POU2AF1: variants seen among roughly 807,000 people sequenced by gnomAD.
POU2AF1 encodes POU domain class 2-associating factor 1.
Under a neutral mutation model 26.3 loss-of-function variants are expected in POU2AF1, and 12 were observed. The observed-to-expected ratio is 0.46, with a 90% CI of 0.29 to 0.74. The LOEUF (loss-of-function observed/expected upper bound fraction) is 0.74. Ranked by LOEUF, POU2AF1 falls within the 30% of genes least tolerant of loss-of-function variation. The pLI, the probability that POU2AF1 is intolerant of heterozygous loss-of-function variation, is 0.09. For missense variants in POU2AF1, 297 were observed against 334.5 expected (o/e 0.89, Z 0.87); for synonymous variants, 175 against 148.0 (o/e 1.18, Z -1.32).
intron 1 of POU2AF1, among the ~76,000 whole-genome samples, chr11:111,369,542 A>G (rs1299787507): frequency 6.6e-6 from 1 of 152,202 alleles, no homozygotes; most frequent in Admixed American, 6.5e-5. Context: ...TGGAATAGAA[A>G]TGTGGCAATG....
chr11:111,358,380 TCACA>T (rs1289541771), intron 2 of POU2AF1, among the ~76,000 whole-genome samples: 15 of 16,110 alleles, frequency 9.3e-4, no homozygotes, highest in Admixed American at 2.0e-3. Context: ...ACACACTCTC[TCACA>T]CACACTCCCT....
intron 1 of POU2AF1, among the ~76,000 whole-genome samples, chr11:111,365,871 AAAG>A (rs1450325762): frequency 2.7e-5 from 4 of 150,424 alleles, no homozygotes. Flanking sequence ...AAAAAAAAAA[AAAG>A]AATTGTTTAC....
chr11:111,362,433 C>T (rs988512635), intron 1 of POU2AF1, among the ~76,000 whole-genome samples: 1 of 152,122 alleles, frequency 6.6e-6, no homozygotes, highest in African/African-American at 2.4e-5. Flanking sequence ...TATTTTTGTA[C>T]CCATAAGTCA....
intron 2 of POU2AF1, among the ~76,000 whole-genome samples, chr11:111,358,137 G>T (rs1008797079): frequency 6.6e-6 from 1 of 152,054 alleles, no homozygotes; most frequent in Non-Finnish European, 1.5e-5. Context: ...CAGTAGCTGT[G>T]TTCGGTGGGC....
intron 2 of POU2AF1, among the ~76,000 whole-genome samples, chr11:111,358,336 T>TCTCACA (rs1565360486): frequency 0.049 from 5,669 of 115,202 alleles, 152 homozygotes; most frequent in African/African-American, 0.087. Context: ...TCTCACACAC[T>TCTCACA]CTCACACTCT....
At chr11:111,358,967 C>A (rs759241810) in intron 1 of POU2AF1, 49 bp from the exon 2 acceptor site, 1 of 1,559,154 alleles carries the variant, frequency 6.4e-7, no homozygotes, top group East Asian at 2.2e-5. Context: ...CAGACGAGCC[C>A]CCACCCCAAA....
At chr11:111,375,584 A>T (rs1023746555) in intron 1 of POU2AF1, among the ~76,000 whole-genome samples, 1 of 151,770 alleles carries the variant, frequency 6.6e-6, no homozygotes, top group Non-Finnish European at 1.5e-5. Flanking sequence ...TATTTTTAGT[A>T]GAGACGGGGT....
At chr11:111,361,800 A>C (rs756205769) in intron 1 of POU2AF1, among the ~76,000 whole-genome samples, 2 of 152,222 alleles carry the variant, frequency 1.3e-5, no homozygotes, top group Non-Finnish European at 2.9e-5. Flanking sequence ...TAAGATTTGC[A>C]TGTGAAGTGC....
rs1860774030 is a variant in POU2AF1 at position 111,353,387 on chromosome 11, A to G, written c.*874T>C. 4.3e-6 allele frequency: 1 copy of G among 233,814 alleles called. No homozygotes were observed. Among genetic ancestry groups the G allele is most frequent in the Non-Finnish European group, 8.4e-6 (1 of 118,372 alleles). The allele number at this position is 233,814 out of a possible 1,614,324, so 14.5% of individuals were successfully genotyped here. A position where few individuals can be genotyped will look rare whatever the true frequency, so the allele number is the denominator to read the frequency against. ...TCCCACACCCCTCTCTCCAACTAAG[A>G]TGCACAGCCTGTTCCCATCCCTCCT... On this transcript the variant is annotated 3_prime_UTR_variant, in exon 5 of 5. Coordinates refer to ENST00000393067, the MANE Select transcript of POU2AF1 (RefSeq NM_006235.3).
chr11:111,363,235 G>A (rs939483437), intron 1 of POU2AF1: 84 of 1,019,202 alleles, frequency 8.2e-5, no homozygotes, highest in South Asian at 1.4e-4. Flanking sequence ...CTGACTGCCC[G>A]GCACGTGTCC....
chr11:111,356,454 C>A (rs1191644583), intron 4 of POU2AF1, among the ~76,000 whole-genome samples: 2 of 152,190 alleles, frequency 1.3e-5, no homozygotes, highest in Non-Finnish European at 2.9e-5. Flanking sequence ...ATGGAAGAGA[C>A]AAGGTGGACC....
At chr11:111,354,677 C>G in intron 4 of POU2AF1, 102 bp from the exon 5 acceptor site, 1 of 1,080,528 alleles carries the variant, frequency 9.3e-7, no homozygotes, top group Non-Finnish European at 1.3e-6. Flanking sequence ...CAATTCTGCC[C>G]TTTCCTGGTT....
At chr11:111,358,401 CAT>C (rs1488745092) in intron 2 of POU2AF1, among the ~76,000 whole-genome samples, 32 of 35,460 alleles carry the variant, frequency 9.0e-4, no homozygotes, top group Non-Finnish European at 1.3e-3. Context: ...CCCTCACACA[CAT>C]ACTCTCTCAC....
intron 1 of POU2AF1, among the ~76,000 whole-genome samples, chr11:111,368,128 C>T (rs570598728): frequency 6.6e-6 from 1 of 152,318 alleles, no homozygotes; most frequent in East Asian, 1.9e-4. Context: ...TTTAGAATTA[C>T]AAACTGTGAC....
At position 111,354,235 on chromosome 11, in the gene POU2AF1, G is replaced by A. The variant is rs374236313; in HGVS notation, c.*26C>T. On this transcript the variant is annotated 3_prime_UTR_variant, in exon 5 of 5. Transcript: ENST00000393067. The stretch of plus-strand genomic sequence containing the variant: ...CTCATTTTAAAATCCCAGTTTCAGG[G>A]AACAGGACTCAGGTGGGAGCCACGC... The A allele has an allele frequency of 5.0e-6, 8 of 1,609,356 alleles. No individual in the cohort carries two copies. In the African/African-American group the frequency reaches 1.1e-4, roughly 22 times the overall value.
At chr11:111,375,918 T>C (rs1861302454) in intron 1 of POU2AF1, among the ~76,000 whole-genome samples, 1 of 152,218 alleles carries the variant, frequency 6.6e-6, no homozygotes, top group African/African-American at 2.4e-5. Context: ...TATTTACAAA[T>C]GGAGTGGCAG....
intron 4 of POU2AF1, among the ~76,000 whole-genome samples, chr11:111,355,303 T>A (rs1219419995): frequency 6.6e-6 from 1 of 152,228 alleles, no homozygotes; most frequent in Non-Finnish European, 1.5e-5. Context: ...CTCCAAGTGT[T>A]AGAGTCCTTC....
rs546781967 is a variant in POU2AF1, at chr11:111,363,020, G to A, written c.17-4102C>T. 2.5e-5 allele frequency: 14 copies of A among 570,682 alleles called. No individual in the cohort carries two copies. In the South Asian group the frequency reaches 3.1e-4, roughly 13 times the overall value. 35.4% of individuals were successfully genotyped at this position (570,682 alleles called of 1,614,324 possible). ...GGATCTTGTCAAGAGAGGGCTTCCC[G>A]CCTCCTACTGTTTCTAAGTCGATGA... On this transcript the variant is annotated intron_variant, in intron 1 of 4. Transcript: ENST00000393067.
In POU2AF1 at chr11:111,374,287, G is replaced by C. The variant is rs144868432; in HGVS notation, c.16+4875C>G. Among the ~76,000 whole-genome samples, 72 of 152,192 alleles carry C rather than the reference G, an allele frequency of 4.7e-4. 1 individual carries two copies. The highest frequency in any genetic ancestry group is 1.7e-3 in the African/African-American group (69 of 41,530). On this transcript the variant is annotated intron_variant, in intron 1 of 4. Transcript: ENST00000393067. ...AAAATATCCATCAAGAACATCATCTGCTTTTTTACCAATTAAATCTGTGTA... is the reference window on the plus strand; with the variant it reads ...AAAATATCCATCAAGAACATCATCTCCTTTTTTACCAATTAAATCTGTGTA...
Sources: allele counts gnomAD v4.1 joint callset (sites outside exome capture counted in the v4.1 genomes callset), GRCh38; gene constraint gnomAD v4.1.1; transcripts MANE v1.5; gene names NCBI Gene and HGNC (gene_info 2026-07-23, HGNC 2026-07-21).